SDK1: variants seen among roughly 807,000 people sequenced by gnomAD.
The protein encoded by SDK1 is protein sidekick-1.
SDK1 carries 157 observed loss-of-function variants against 245.5 expected under a neutral mutation model. The observed-to-expected ratio is 0.64, with a 90% CI of 0.56 to 0.73. The LOEUF is 0.73. SDK1 is among the 30% of genes least tolerant of loss of function. The pLI is 0.00. For missense variants in SDK1, 3,583 were observed against 3,002.3 expected, an observed-to-expected ratio of 1.19 and a Z score of -4.52; for synonymous variants, 1,647 against 1,278.5, an observed-to-expected ratio of 1.29 and a Z score of -6.15.
chr7:4,113,079 G>C (rs1783453193), intron 23 of SDK1, among the ~76,000 whole-genome samples: 1 of 152,116 alleles, frequency 6.6e-6, no homozygotes, highest in African/African-American at 2.4e-5. Context: ...TTAGTGCTAG[G>C]ATTACAGGTG....
At chr7:4,155,024 C>T (rs1236508989) in intron 30 of SDK1, among the ~76,000 whole-genome samples, 1 of 151,812 alleles carries the variant, frequency 6.6e-6, no homozygotes, top group Non-Finnish European at 1.5e-5. Flanking sequence ...ACAGGAGCAG[C>T]GCTGCAGGGA....
intron 38 of SDK1, among the ~76,000 whole-genome samples, chr7:4,211,924 T>C (rs1374406397): frequency 6.6e-6 from 1 of 152,166 alleles, no homozygotes; most frequent in African/African-American, 2.4e-5. Context: ...TTAGGTGTTA[T>C]TCCAGTGCCT....
chr7:3,609,943 C>T (rs554575491), intron 1 of SDK1, among the ~76,000 whole-genome samples: 47 of 144,066 alleles, frequency 3.3e-4, no homozygotes, highest in African/African-American at 7.2e-4. Context: ...TCAGGTGATC[C>T]GCCCACCTCA....
intron 23 of SDK1, among the ~76,000 whole-genome samples, 181 bp from the exon 24 acceptor site, chr7:4,113,108 C>T (rs1220347744): frequency 6.6e-6 from 1 of 152,094 alleles, no homozygotes; most frequent in African/African-American, 2.4e-5. Context: ...CACACCTGGC[C>T]ACAATTTGCA....
intron 5 of SDK1, among the ~76,000 whole-genome samples, chr7:3,845,685 G>T (rs1780260639): frequency 6.7e-6 from 1 of 148,806 alleles, no homozygotes; most frequent in Non-Finnish European, 1.5e-5. Context: ...CTCTCCACGT[G>T]CTTCTCCTTT....
chr7:3,958,857 A>C, intron 7 of SDK1, 74 bp from the exon 8 acceptor site: 1 of 1,153,026 alleles, frequency 8.7e-7, no homozygotes, highest in Non-Finnish European at 1.3e-6. Flanking sequence ...AGGAGCCCAC[A>C]CTATCTTAGG....
At position 3,333,644 on chromosome 7, in the gene SDK1, C is replaced by T. The variant is rs116117230; in HGVS notation, c.298+31760C>T. Among the ~76,000 whole-genome samples, 1,193 of 152,278 alleles carry T rather than the reference C, an allele frequency of 7.8e-3. 14 individuals are homozygous for T. Among genetic ancestry groups the T allele is most frequent in the African/African-American group, 0.027 (1,131 of 41,550 alleles). On this transcript the variant is annotated intron_variant, in intron 1 of 44. Transcript: ENST00000404826. ...ATGCATACCCCTAACCTAGCACAAA[C>T]GCCCTACCCTTCCCTTCTCTTGTAC... is the stretch of plus-strand genomic sequence containing the variant.
At chr7:3,654,178 C>T (rs1340019798) in intron 4 of SDK1, among the ~76,000 whole-genome samples, 1 of 152,160 alleles carries the variant, frequency 6.6e-6, no homozygotes, top group African/African-American at 2.4e-5. Context: ...TGTCACACTG[C>T]TCCTCCAAAT....
At chr7:3,818,055 C>A (rs1355891368) in intron 4 of SDK1, among the ~76,000 whole-genome samples, 1 of 152,220 alleles carries the variant, frequency 6.6e-6, no homozygotes. Flanking sequence ...GGCAGCTCAT[C>A]TCATCCATAT....
intron 5 of SDK1, among the ~76,000 whole-genome samples, chr7:3,924,653 C>A (rs1375911709): frequency 6.6e-6 from 1 of 152,180 alleles, no homozygotes; most frequent in African/African-American, 2.4e-5. Context: ...TCCTCGGCCT[C>A]CCGGCACCTG....
At chr7:3,485,793 T>C (rs1781677170) in intron 1 of SDK1, among the ~76,000 whole-genome samples, 1 of 150,678 alleles carries the variant, frequency 6.6e-6, no homozygotes, top group Non-Finnish European at 1.5e-5. Context: ...TATTCCCACG[T>C]AAGTGTGTTT....
At chr7:3,953,806 T>C (rs941395534) in intron 7 of SDK1, among the ~76,000 whole-genome samples, 1 of 152,252 alleles carries the variant, frequency 6.6e-6, no homozygotes, top group Non-Finnish European at 1.5e-5. Context: ...ACAAACACAC[T>C]TCACTTCTTT....
intron 5 of SDK1, among the ~76,000 whole-genome samples, chr7:3,850,488 C>T (rs1347687197): frequency 6.6e-6 from 1 of 152,150 alleles, no homozygotes; most frequent in Non-Finnish European, 1.5e-5. Flanking sequence ...ACCATTTGAC[C>T]TAGCTATCCC....
intron 4 of SDK1, among the ~76,000 whole-genome samples, chr7:3,702,862 A>T (rs758999334): frequency 2.0e-5 from 3 of 152,206 alleles, no homozygotes; most frequent in Admixed American, 6.5e-5. Flanking sequence ...CATTCAGTGG[A>T]AATGCAGATT....
intron 30 of SDK1, among the ~76,000 whole-genome samples, chr7:4,154,503 G>A (rs1045130113): frequency 1.3e-5 from 2 of 152,140 alleles, no homozygotes; most frequent in Non-Finnish European, 2.9e-5. Context: ...GGAGTCACCA[G>A]GCAGCATCAG....
At chr7:3,393,111 C>T (rs926603774) in intron 1 of SDK1, among the ~76,000 whole-genome samples, 3 of 151,840 alleles carry the variant, frequency 2.0e-5, no homozygotes, top group Non-Finnish European at 4.4e-5. Context: ...GCTGAGATTA[C>T]AGGTGCCTGC....
At position 4,116,812 on chromosome 7, in the gene SDK1, C is replaced by T. The variant is rs141197846; in HGVS notation, c.3823+2538C>T. Among the ~76,000 whole-genome samples the T allele has an allele frequency of 3.9e-3, 589 of 152,310 alleles. 16 individuals carry two copies. The South Asian group carries it at 0.077, about 20-fold the overall frequency. On this transcript the variant is annotated intron_variant, in intron 25 of 44. Coordinates refer to ENST00000404826, the MANE Select transcript of SDK1 (RefSeq NM_152744.4). Reference sequence around the variant, plus strand: ...CCCTGGAGCCCACCAATGAGAGCCCCGGAAGAGCAGCCGTGGTGACAACCA... The same window carrying T: ...CCCTGGAGCCCACCAATGAGAGCCCTGGAAGAGCAGCCGTGGTGACAACCA...
chr7:3,772,899 C>A (rs1341108017), intron 4 of SDK1, among the ~76,000 whole-genome samples: 1 of 152,136 alleles, frequency 6.6e-6, no homozygotes, highest in Non-Finnish European at 1.5e-5. Flanking sequence ...GATAACAAAT[C>A]TGCTGATAAT....
intron 5 of SDK1, among the ~76,000 whole-genome samples, chr7:3,880,614 C>T (rs936771300): frequency 2.9e-5 from 4 of 135,840 alleles, no homozygotes; most frequent in East Asian, 2.6e-4. Flanking sequence ...TCAGCTCAAA[C>T]GCACCTGAAC....
Sources: allele counts gnomAD v4.1 joint callset (sites outside exome capture counted in the v4.1 genomes callset), GRCh38; gene constraint gnomAD v4.1.1; transcripts MANE v1.5; gene names NCBI Gene and HGNC (gene_info 2026-07-23, HGNC 2026-07-21).